Variants in PRDM5 observed in about 807,000 individuals in gnomAD.
PRDM5 encodes PR domain zinc finger protein 5.
A neutral mutation model predicts 81.2 loss-of-function variants in PRDM5; 56 were observed. The observed-to-expected ratio is 0.69, with a 90% CI of 0.56 to 0.86. The LOEUF is 0.86. Among genes scored for constraint, PRDM5 ranks in the 40% least tolerant of loss-of-function variants. The pLI, the probability that PRDM5 is intolerant of heterozygous loss-of-function variation, is 0.00. For synonymous variants in PRDM5, 267 were observed against 256.4 expected, an observed-to-expected ratio of 1.04 and a Z score of -0.39; for missense variants, 697 against 770.1, an observed-to-expected ratio of 0.91 and a Z score of 1.12.
At chr4:120,905,170 G>A (rs571473260) in intron 2 of PRDM5, among the ~76,000 whole-genome samples, 2 of 152,234 alleles carry the variant, frequency 1.3e-5, no homozygotes, top group African/African-American at 4.8e-5. Context: ...ATTATAGTGA[G>A]GACTATATTA....
intron 7 of PRDM5, among the ~76,000 whole-genome samples, chr4:120,815,753 A>G (rs1754408807): frequency 6.6e-6 from 1 of 152,224 alleles, no homozygotes; most frequent in Non-Finnish European, 1.5e-5. Flanking sequence ...AACCTCCTTT[A>G]AGGAGGAAGT....
In PRDM5 at chr4:120,816,889, T is replaced by A; in HGVS notation, c.686A>T (p.Glu229Val). 1 of 1,613,702 alleles carries A rather than the reference T, an allele frequency of 6.2e-7. No homozygotes were observed. The highest frequency in any genetic ancestry group is 8.5e-7 in the Non-Finnish European group (1 of 1,179,642). ...AGAGCACTGAAAACTTCGCGAAGAC[T>A]CCTTTAGACTGCTTTTCGCTGTGCA... ...LQCTAKSSLK[E>V]SSRSFQCSVC... is the part of the protein sequence containing the mutation. The change falls in exon 6 of 16, where the codon GAG (glutamate) becomes GTG (valine). Residue 229 changes from glutamate (E) to valine (V), a missense_variant. By Grantham distance (121) the Glu-to-Val change is moderately radical. This residue lies in a region of PRDM5 where 577 missense variants were observed against 606.7 expected (regional missense o/e 0.95). Coordinates refer to ENST00000264808, the MANE Select transcript of PRDM5 (RefSeq NM_018699.4).
chr4:120,795,160 C>T (rs1272257188), intron 10 of PRDM5, among the ~76,000 whole-genome samples: 1 of 152,122 alleles, frequency 6.6e-6, no homozygotes, highest in East Asian at 1.9e-4. Flanking sequence ...ACACCTGTCC[C>T]CTAGGAGTTT....
chr4:120,915,298 C>T (rs570316767), intron 1 of PRDM5, among the ~76,000 whole-genome samples: 19 of 152,244 alleles, frequency 1.2e-4, no homozygotes, highest in Admixed American at 9.2e-4. Flanking sequence ...CATCCACCAT[C>T]CAAACAAGTA....
chr4:120,860,716 T>C (rs1160371443), intron 2 of PRDM5, among the ~76,000 whole-genome samples: 7 of 152,240 alleles, frequency 4.6e-5, no homozygotes, highest in African/African-American at 1.2e-4. Flanking sequence ...TGCACGAATG[T>C]TACAGCATTT....
chr4:120,917,734 G>A (rs902443153), intron 1 of PRDM5, among the ~76,000 whole-genome samples: 6 of 149,992 alleles, frequency 4.0e-5, no homozygotes, highest in Non-Finnish European at 7.4e-5. Flanking sequence ...ACAAGATACC[G>A]TCGAAAGAAG....
intron 2 of PRDM5, among the ~76,000 whole-genome samples, chr4:120,859,502 G>C (rs1390839330): frequency 6.6e-6 from 1 of 152,256 alleles, no homozygotes; most frequent in East Asian, 1.9e-4. Context: ...TGGGATTACA[G>C]GCATGAGTGT....
chr4:120,912,836 G>T (rs1180855612), intron 1 of PRDM5, among the ~76,000 whole-genome samples: 2 of 152,146 alleles, frequency 1.3e-5, no homozygotes, highest in African/African-American at 4.8e-5. Context: ...ATCTGCAGTT[G>T]AGTCATTTAT....
intron 2 of PRDM5, among the ~76,000 whole-genome samples, chr4:120,864,807 C>G (rs1467456810): frequency 6.6e-6 from 1 of 152,098 alleles, no homozygotes; most frequent in Non-Finnish European, 1.5e-5. Context: ...CTCTTATGTC[C>G]TAACAATTAA....
chr4:120,729,388 T>C lies in PRDM5; in HGVS notation c.1624-18975A>G, dbSNP rs184453622. ...ACCTAGAAATACTGAAATCAAGCAT[T>C]TTTTTAAACCCCACAACATCCATGA... On this transcript the variant is annotated intron_variant, in intron 14 of 15. Transcript: ENST00000264808. Among the ~76,000 whole-genome samples the C allele has an allele frequency of 3.9e-5, 6 of 152,262 alleles. No homozygotes were observed. The South Asian group carries it at 1.2e-3, about 32-fold the overall frequency.
chr4:120,702,020 G>T (rs574416592), intron 15 of PRDM5, among the ~76,000 whole-genome samples: 1 of 152,212 alleles, frequency 6.6e-6, no homozygotes, highest in East Asian at 1.9e-4. Context: ...ATTGTGGGGG[G>T]TATCTCACTG....
chr4:120,734,888 G>T (rs1311848095), intron 14 of PRDM5, among the ~76,000 whole-genome samples: 1 of 152,152 alleles, frequency 6.6e-6, no homozygotes, highest in Non-Finnish European at 1.5e-5. Context: ...TTTCAGCGTG[G>T]TCTTTGCCAT....
chr4:120,851,050 A>G lies in PRDM5; in HGVS notation c.300+2368T>C, dbSNP rs554334296. ...ATGTTCAGTTAAGGGGAACTCCTAA[A>G]CAAGTATTACCTAAGTAAATATAAG... is the stretch of plus-strand genomic sequence containing the variant. On this transcript the variant is annotated intron_variant, in intron 3 of 15. Transcript: ENST00000264808. 2.6e-4 allele frequency among the ~76,000 whole-genome samples: 40 copies of G among 152,296 alleles called. No individual in the cohort carries two copies. In the South Asian group the frequency reaches 3.9e-3, roughly 15 times the overall value.
intron 2 of PRDM5, among the ~76,000 whole-genome samples, chr4:120,894,572 G>A (rs553090695): frequency 3.3e-5 from 5 of 152,088 alleles, no homozygotes; most frequent in Non-Finnish European, 7.4e-5. Flanking sequence ...AATGAAATTT[G>A]GAAGATCTCA....
At chr4:120,731,490 TTGGGC>T (rs1334098090) in intron 14 of PRDM5, 1 of 152,076 alleles carries the variant, frequency 6.6e-6, no homozygotes, top group African/African-American at 2.4e-5. Flanking sequence ...TGGTATAATT[TTGGGC>T]TGGCAAATGA....
At chr4:120,733,286 C>T (rs1740531407) in intron 14 of PRDM5, among the ~76,000 whole-genome samples, 2 of 152,148 alleles carry the variant, frequency 1.3e-5, no homozygotes, top group Admixed American at 6.5e-5. Flanking sequence ...TGTCCCAGCA[C>T]CTGGGACTCC....
At chr4:120,851,684 A>C (rs981665719) in intron 3 of PRDM5, among the ~76,000 whole-genome samples, 1 of 152,172 alleles carries the variant, frequency 6.6e-6, no homozygotes, top group African/African-American at 2.4e-5. Context: ...AATTGTTTAG[A>C]TGACATTAGG....
In PRDM5 at chr4:120,692,202, A is replaced by G. The variant is rs1256618514; in HGVS notation, c.*2909T>C. 1 of 152,126 alleles carries G rather than the reference A, an allele frequency of 6.6e-6. No individual in the cohort carries two copies. Among genetic ancestry groups the G allele is most frequent in the Non-Finnish European group, 1.5e-5 (1 of 67,984 alleles). 9.4% of individuals were successfully genotyped at this position (152,126 alleles called of 1,614,324 possible). ...CATGCTTTTGTTTGAGAAAGGAAGC[A>G]GCACATAAAATCTAAAACAGAAACT... On this transcript the variant is annotated 3_prime_UTR_variant, in exon 16 of 16. Transcript: ENST00000264808.
At position 120,715,734 on chromosome 4, in the gene PRDM5, T is replaced by C. The variant is rs888454271; in HGVS notation, c.1624-5321A>G. 5.3e-5 allele frequency among the ~76,000 whole-genome samples: 8 copies of C among 152,302 alleles called. No individual in the cohort carries two copies. The East Asian group carries it at 1.2e-3, about 22-fold the overall frequency. On this transcript the variant is annotated intron_variant, in intron 14 of 15. Transcript: ENST00000264808. ...AAGCTTAATCCCTACACTTTACTTGTAAGACCAGAAGTTGTGAAGACATGA... is the reference window on the plus strand; with the variant it reads ...AAGCTTAATCCCTACACTTTACTTGCAAGACCAGAAGTTGTGAAGACATGA...
Sources: allele counts gnomAD v4.1 joint callset (sites outside exome capture counted in the v4.1 genomes callset), GRCh38; gene constraint gnomAD v4.1.1; regional missense constraint gnomAD v4.1.1; transcripts MANE v1.5; gene names NCBI Gene and HGNC (gene_info 2026-07-23, HGNC 2026-07-21).